ACTR10: variants seen among roughly 807,000 people sequenced by gnomAD.
The protein encoded by ACTR10 is actin-related protein 10.
A neutral mutation model predicts 56.2 loss-of-function variants in ACTR10; 43 were observed. The ratio of observed to expected loss-of-function variants is 0.77; its 90% CI spans 0.60 to 0.99. The LOEUF is 0.99. Ranked by LOEUF, ACTR10 falls within the 50% of genes least tolerant of loss-of-function variation. The pLI, the probability that ACTR10 is intolerant of heterozygous loss-of-function variation, is 0.00. For missense variants in ACTR10, 466 were observed against 507.8 expected, an observed-to-expected ratio of 0.92 and a Z score of 0.79; for synonymous variants, 170 against 176.3, an observed-to-expected ratio of 0.96 and a Z score of 0.28.
At chr14:58,231,463 T>C (rs1454145572) in intron 11 of ACTR10, among the ~76,000 whole-genome samples, 2 of 152,212 alleles carry the variant, frequency 1.3e-5, no homozygotes, top group Non-Finnish European at 2.9e-5. Context: ...ACAGGACATA[T>C]GGTAATAATA....
At position 58,234,654 on chromosome 14, in the gene ACTR10, G is replaced by T; in HGVS notation, c.*103G>T. On this transcript the variant is annotated 3_prime_UTR_variant, in exon 13 of 13. Transcript: ENST00000254286. ...TGTTTTGTTATAGAGGACTATAGTG[G>T]AAGTGAAAGCATTCTGTGTTTACTC... 1 of 1,059,100 alleles carries T rather than the reference G, an allele frequency of 9.4e-7. No homozygotes were observed. The highest frequency in any genetic ancestry group is 1.3e-6 in the Non-Finnish European group (1 of 755,812). The allele number at this position is 1,059,100 out of a possible 1,614,324, so 65.6% of individuals were successfully genotyped here. A position where few individuals can be genotyped will look rare whatever the true frequency, so the allele number is the denominator to read the frequency against.
At chr14:58,205,046 C>A (rs1490877350) in intron 2 of ACTR10, among the ~76,000 whole-genome samples, 1 of 151,950 alleles carries the variant, frequency 6.6e-6, no homozygotes, top group African/African-American at 2.4e-5. Flanking sequence ...CAAGGAGAAA[C>A]CCTATCTCTA....
chr14:58,215,114 A>AG, intron 6 of ACTR10, 91 bp from the exon 7 acceptor site: 1 of 803,704 alleles, frequency 1.2e-6, no homozygotes, highest in Non-Finnish European at 1.9e-6. Flanking sequence ...CAAAAAAAAA[A>AG]TCATAATAAT....
chr14:58,223,688 A>G lies in ACTR10; in HGVS notation c.701A>G (p.Asp234Gly). The stretch of plus-strand genomic sequence containing the variant: ...ATCCAAGCAGCAAAATTTAATATTG[A>G]TGGGAATAATGAGGTAAGTTTAAAA... Reference protein sequence around the residue: ...LKIQAAKFNIDGNNERPSPPP... With the variant: ...LKIQAAKFNIGGNNERPSPPP... Residue 234 changes from aspartate to glycine, a missense_variant, in exon 9 of 13, where the codon GAT becomes GGT. Asp to Gly is a moderately conservative substitution (Grantham distance 94). Coordinates refer to ENST00000254286, the MANE Select transcript of ACTR10 (RefSeq NM_018477.3). 1.2e-6 allele frequency: 2 copies of G among 1,611,754 alleles called. No homozygotes were observed. Among genetic ancestry groups the G allele is most frequent in the Admixed American group, 1.7e-5 (1 of 59,784 alleles).
At chr14:58,213,432 T>G in intron 5 of ACTR10, 199 bp from the exon 6 acceptor site, 1 of 456,628 alleles carries the variant, frequency 2.2e-6, no homozygotes, top group South Asian at 3.6e-5. Flanking sequence ...CATGTGCTTA[T>G]GTGTATTTTT....
intron 5 of ACTR10, among the ~76,000 whole-genome samples, chr14:58,211,660 A>T (rs1428063928): frequency 2.0e-5 from 3 of 152,220 alleles, no homozygotes; most frequent in Non-Finnish European, 1.5e-5. Flanking sequence ...AAAAATCAGG[A>T]TGTGTCAAGT....
chr14:58,230,095 T>C (rs1362337632), intron 10 of ACTR10, among the ~76,000 whole-genome samples: 1 of 147,930 alleles, frequency 6.8e-6, no homozygotes, highest in Admixed American at 7.0e-5. Flanking sequence ...TGGGGAGTTA[T>C]AATTGGACAC....
At chr14:58,210,721 C>T (rs1398207685) in intron 4 of ACTR10, among the ~76,000 whole-genome samples, 1 of 148,006 alleles carries the variant, frequency 6.8e-6, no homozygotes, top group African/African-American at 2.5e-5. Context: ...ATTGCCCAGG[C>T]TGGAGTGCAA....
chr14:58,219,631 C>G, intron 7 of ACTR10, 63 bp from the exon 8 acceptor site: 1 of 1,012,270 alleles, frequency 9.9e-7, no homozygotes, highest in Admixed American at 3.4e-5. Flanking sequence ...AATGTGAAGG[C>G]AATTTAATAG....
At chr14:58,219,197 T>A (rs928243557) in intron 7 of ACTR10, among the ~76,000 whole-genome samples, 1 of 152,160 alleles carries the variant, frequency 6.6e-6, no homozygotes, top group Non-Finnish European at 1.5e-5. Flanking sequence ...GGCAACAAAA[T>A]TTTATAACAA....
intron 2 of ACTR10, among the ~76,000 whole-genome samples, chr14:58,203,544 G>T (rs1275250125): frequency 6.6e-6 from 1 of 152,000 alleles, no homozygotes; most frequent in Admixed American, 6.6e-5. Context: ...CCATTAGGGT[G>T]TACCTTCTGT....
At chr14:58,231,077 C>CGG (rs1555350881) in intron 11 of ACTR10, 3 of 348,166 alleles carry the variant, frequency 8.6e-6, no homozygotes, top group African/African-American at 2.2e-5. Flanking sequence ...CTTTTTTTGA[C>CGG]AGTGTTGCTC....
At chr14:58,229,843 AT>A (rs1465755125) in intron 10 of ACTR10, among the ~76,000 whole-genome samples, 1 of 151,970 alleles carries the variant, frequency 6.6e-6, no homozygotes, top group Non-Finnish European at 1.5e-5. Context: ...TTTTAAAAAA[AT>A]ATGGAACTCT....
chr14:58,231,014 C>T (rs865910749), intron 11 of ACTR10: 1 of 283,768 alleles, frequency 3.5e-6, no homozygotes, highest in South Asian at 2.8e-5. Context: ...GCCTCGGCCT[C>T]CCAAAGTGCT....
Position 58,213,628 on chromosome 14 carries a change from T to C in ACTR10, c.451-3T>C, listed in dbSNP as rs749435507. On this transcript the variant is annotated splice_polypyrimidine_tract_variant and splice_region_variant and intron_variant, in intron 5 of 12. Transcript: ENST00000254286. ...AATAGTAGTATCCTTGACTACTCTATAGATATATGAAGGAATCCCAGTTCT... is the reference window on the plus strand; with the variant it reads ...AATAGTAGTATCCTTGACTACTCTACAGATATATGAAGGAATCCCAGTTCT... 2.5e-6 allele frequency: 4 copies of C among 1,606,450 alleles called. No individual in the cohort carries two copies. The highest frequency in any genetic ancestry group is 4.5e-5 in the East Asian group (2 of 44,728).
chr14:58,225,099 T>C (rs763932086), intron 10 of ACTR10, among the ~76,000 whole-genome samples: 36 of 152,234 alleles, frequency 2.4e-4, no homozygotes, highest in Non-Finnish European at 4.1e-4. Flanking sequence ...TTTAAATGAG[T>C]GAGCATGACT....
chr14:58,213,682 G>A lies in ACTR10; in HGVS notation c.502G>A (p.Gly168Arg), dbSNP rs1352566367. 6.2e-7 allele frequency: 1 copy of A among 1,612,212 alleles called. No homozygotes were observed. ...TTGTTGGGGAGCACTACCCCTAGGA[G>A]GAAAAGCTCTTCACAAGTAAGTTTC... is the stretch of plus-strand genomic sequence containing the variant. ...LNCWGALPLGGKALHKELETQ... is the reference protein window; with the variant it reads ...LNCWGALPLGRKALHKELETQ... The change falls in exon 6 of 13, where the codon GGA (glycine) becomes AGA (arginine). Residue 168 changes from glycine (G) to arginine (R), a missense_variant. Gly to Arg is a moderately radical substitution (Grantham distance 125). Coordinates refer to ENST00000254286, the MANE Select transcript of ACTR10 (RefSeq NM_018477.3).
At chr14:58,226,326 T>C (rs760933502) in intron 10 of ACTR10, among the ~76,000 whole-genome samples, 3 of 151,588 alleles carry the variant, frequency 2.0e-5, no homozygotes, top group African/African-American at 7.3e-5. Flanking sequence ...GCTGCCCAGT[T>C]GGTCTCAAAC....
At chr14:58,219,790 C>G (rs991104605) in intron 8 of ACTR10, 61 bp downstream of exon 8, 6 of 1,055,466 alleles carry the variant, frequency 5.7e-6, no homozygotes, top group Non-Finnish European at 8.0e-6. Context: ...AGGGCATATG[C>G]TTCTAAACAT....
Sources: gnomAD v4.1 joint callset for allele counts (sites outside exome capture counted in the v4.1 genomes callset) on GRCh38, gnomAD v4.1.1 for gene constraint, MANE v1.5 for transcripts, NCBI Gene and HGNC (gene_info 2026-07-23, HGNC 2026-07-21) for gene names.